PASD1: variants seen among roughly 807,000 people sequenced by gnomAD.
PASD1 encodes PAS domain containing repressor 1, also known as circadian clock protein PASD1.
A neutral mutation model predicts 58.8 loss-of-function variants in PASD1; 13 were observed. That is an observed-to-expected ratio of 0.22 (90% CI 0.14 to 0.35). The LOEUF (loss-of-function observed/expected upper bound fraction) is 0.35. Ranked by LOEUF, PASD1 falls within the 10% of genes least tolerant of loss-of-function variation. The pLI, the probability that PASD1 is intolerant of heterozygous loss-of-function variation, is 1.00. For synonymous variants in PASD1, 236 were observed against 216.7 expected (o/e 1.09, Z -0.78); for missense variants, 734 against 568.3 (o/e 1.29, Z -2.96).
chrX:151,658,063 T>A (rs1183184021), intron 9 of PASD1, among the ~76,000 whole-genome samples: 2 of 111,442 alleles, frequency 1.8e-5, no homozygotes, highest in Non-Finnish European at 3.8e-5. Context: ...CCTCTCCCCC[T>A]ACATATTTGC....
chrX:151,591,520 C>G (rs2013248668), intron 1 of PASD1, among the ~76,000 whole-genome samples: 2 of 111,853 alleles, frequency 1.8e-5, no homozygotes. Flanking sequence ...ATGTAAACAG[C>G]TATTTCCAAC....
At chrX:151,592,161 C>G (rs1443600858) in intron 1 of PASD1, among the ~76,000 whole-genome samples, 3 of 111,670 alleles carry the variant, frequency 2.7e-5, no homozygotes, top group Non-Finnish European at 5.6e-5. Context: ...TTGTAATTAA[C>G]TTGTGAAGTT....
At chrX:151,570,508 A>G (rs2012912777) in intron 1 of PASD1, among the ~76,000 whole-genome samples, 1 of 112,648 alleles carries the variant, frequency 8.9e-6, no homozygotes, top group Admixed American at 9.4e-5. Flanking sequence ...GCTCGTTCCC[A>G]GCATTCTAAA....
At chrX:151,668,962 T>TG (rs2014425300) in intron 11 of PASD1, among the ~76,000 whole-genome samples, 2 of 106,817 alleles carry the variant, frequency 1.9e-5, no homozygotes, top group African/African-American at 6.8e-5. Context: ...TTGCCCAGGC[T>TG]GGTCTCAAGC....
At chrX:151,638,280 A>G (rs1356549288) in intron 8 of PASD1, among the ~76,000 whole-genome samples, 1 of 106,043 alleles carries the variant, frequency 9.4e-6, no homozygotes, top group East Asian at 3.0e-4. Flanking sequence ...AACATCACAC[A>G]CTGGGGCCTT....
At chrX:151,639,046 C>T (rs2013966846) in intron 8 of PASD1, among the ~76,000 whole-genome samples, 1 of 111,955 alleles carries the variant, frequency 8.9e-6, no homozygotes, top group Non-Finnish European at 1.9e-5. Context: ...GCTTTCATGC[C>T]TACTTATTTC....
At chrX:151,576,241 A>T (rs1249905720) in intron 1 of PASD1, among the ~76,000 whole-genome samples, 1 of 111,054 alleles carries the variant, frequency 9.0e-6, no homozygotes, top group East Asian at 2.8e-4. Flanking sequence ...CCTGGGCTCA[A>T]GCGATCCTCC....
intron 4 of PASD1, among the ~76,000 whole-genome samples, chrX:151,619,851 G>A (rs2124269345): frequency 9.0e-6 from 1 of 111,663 alleles, no homozygotes; most frequent in East Asian, 2.8e-4. Flanking sequence ...GACCAGATAA[G>A]CAGAGTTATA....
chrX:151,612,779 C>T (rs1366251836), intron 4 of PASD1, among the ~76,000 whole-genome samples: 30 of 111,741 alleles, frequency 2.7e-4, no homozygotes, highest in Non-Finnish European at 3.8e-4. Context: ...CCTGTTCACT[C>T]TGATGGTAGT....
intron 9 of PASD1, among the ~76,000 whole-genome samples, 183 bp downstream of exon 9, chrX:151,648,885 C>T (rs913566419): frequency 8.9e-6 from 1 of 111,786 alleles, no homozygotes; most frequent in Non-Finnish European, 1.9e-5. Context: ...TTCGAATGGT[C>T]CCTGTAGTGC....
chrX:151,624,159 G>C (rs1449946742), intron 7 of PASD1, among the ~76,000 whole-genome samples: 1 of 111,866 alleles, frequency 8.9e-6, no homozygotes, highest in Non-Finnish European at 1.9e-5. Context: ...TGTAGTAATG[G>C]AGATACAAGT....
In PASD1 at chrX:151,593,094, C is replaced by T. The variant is rs764537390; in HGVS notation, c.-27-8433C>T. 4.5e-5 allele frequency among the ~76,000 whole-genome samples: 5 copies of T among 109,924 alleles called. No individual in the cohort carries two copies. The East Asian group carries it at 1.4e-3, about 31-fold the overall frequency. ...ACTTCCTTTATCATTATGAAATGTC[C>T]CTTCTTTTCCCTAGTGATATATTTA... is the stretch of plus-strand genomic sequence containing the variant. On this transcript the variant is annotated intron_variant, in intron 1 of 15. Coordinates refer to ENST00000370357, the MANE Select transcript of PASD1 (RefSeq NM_173493.3).
intron 3 of PASD1, among the ~76,000 whole-genome samples, chrX:151,610,979 C>T (rs1194466343): frequency 9.0e-6 from 1 of 111,316 alleles, no homozygotes; most frequent in African/African-American, 3.3e-5. Context: ...TTTGATTTCA[C>T]CTCCTACCTT....
At chrX:151,579,912 A>T (rs930475990) in intron 1 of PASD1, among the ~76,000 whole-genome samples, 9 of 112,179 alleles carry the variant, frequency 8.0e-5, no homozygotes, top group Non-Finnish European at 1.5e-4. Flanking sequence ...GTAGCAGTGC[A>T]GTCTGTTTTC....
At chrX:151,623,576 A>T (rs12556787) in intron 7 of PASD1, among the ~76,000 whole-genome samples, 35,600 of 110,983 alleles carry the variant, frequency 0.32, 4,283 homozygotes, top group Middle Eastern at 0.39. Context: ...AGTAACATAT[A>T]TAGTAAGTAC....
chrX:151,575,738 C>T (rs182428610), intron 1 of PASD1, among the ~76,000 whole-genome samples: 3 of 111,150 alleles, frequency 2.7e-5, no homozygotes, highest in Non-Finnish European at 3.8e-5. Flanking sequence ...ACTACAGCCT[C>T]GACTTCCAGG....
intron 1 of PASD1, among the ~76,000 whole-genome samples, chrX:151,569,469 C>T (rs1405324779): frequency 8.9e-6 from 1 of 111,940 alleles, no homozygotes; most frequent in Non-Finnish European, 1.9e-5. Flanking sequence ...AGTCTTTCTG[C>T]ACAAAATGAT....
At chrX:151,625,107 T>A (rs1409111127) in intron 7 of PASD1, among the ~76,000 whole-genome samples, 1 of 112,209 alleles carries the variant, frequency 8.9e-6, no homozygotes, top group Non-Finnish European at 1.9e-5. Context: ...TTGTTCCATA[T>A]TAGTGGACAT....
chrX:151,654,302 C>A (rs1174795383), intron 9 of PASD1, among the ~76,000 whole-genome samples: 1 of 110,169 alleles, frequency 9.1e-6, no homozygotes, highest in Admixed American at 9.8e-5. Flanking sequence ...GGAGTAATAT[C>A]AAGGACTTAG....
Sources: allele counts gnomAD v4.1 joint callset (sites outside exome capture counted in the v4.1 genomes callset), GRCh38; gene constraint gnomAD v4.1.1; transcripts MANE v1.5; gene names NCBI Gene and HGNC (gene_info 2026-07-23, HGNC 2026-07-21).